GLP1R: variants seen among roughly 807,000 people sequenced by gnomAD.
GLP1R encodes glucagon like peptide 1 receptor.
In GLP1R, 32 loss-of-function variants were observed where a neutral mutation model predicts 68.4. The ratio of observed to expected loss-of-function variants is 0.47; its 90% CI spans 0.35 to 0.63. GLP1R has a LOEUF of 0.63. GLP1R is among the 20% of genes least tolerant of loss of function. The pLI, the probability that GLP1R is intolerant of heterozygous loss-of-function variation, is 0.00. For missense variants in GLP1R, 502 were observed against 594.9 expected (o/e 0.84, Z 1.62); for synonymous variants, 263 against 244.4 (o/e 1.08, Z -0.71).
intron 3 of GLP1R, among the ~76,000 whole-genome samples, chr6:39,062,058 C>A (rs742764): frequency 6.6e-6 from 1 of 152,024 alleles, no homozygotes; most frequent in East Asian, 1.9e-4. Context: ...GGTGCAGGAG[C>A]TAATGGATTC....
Position 39,079,618 on chromosome 6 carries a change from CT to C in GLP1R, c.1101del (p.Phe367LeufsTer4), listed in dbSNP as rs1768938422. 1.2e-6 allele frequency: 2 copies of C among 1,611,444 alleles called. No homozygotes were observed. Among genetic ancestry groups the C allele is most frequent in the Non-Finnish European group, 1.7e-6 (2 of 1,179,028 alleles). Reference protein sequence around the residue: ...IPLLGTHEVIFAFVMDEHARG... With the variant: ...IPLLGTHEVIXAFVMDEHARG... ...CCCTGCTGGGGACTCATGAGGTCAT[CT>C]TTGCCTTTGTGATGGACGAGCACGC... On this transcript the variant is annotated frameshift_variant, in exon 11 of 13. Transcript: ENST00000373256. LOFTEE classifies it high-confidence loss of function. This position sits in a 1 kb window ranked among gnomAD's most constrained non-coding sequence, Gnocchi z 4.5.
At chr6:39,085,879 T>C (rs1377280479) in intron 12 of GLP1R, 27 bp from the exon 13 acceptor site, 2 of 1,612,514 alleles carry the variant, frequency 1.2e-6, no homozygotes, top group East Asian at 4.5e-5. Context: ...CATGATGGCT[T>C]TCGTTTCCCT....
In GLP1R at chr6:39,086,477, T is replaced by A. The variant is rs202221769; in HGVS notation, c.*404T>A. On this transcript the variant is annotated 3_prime_UTR_variant, in exon 13 of 13. Coordinates refer to ENST00000373256, the MANE Select transcript of GLP1R (RefSeq NM_002062.5). The surrounding 1 kb of genome is among the most constrained non-coding windows in gnomAD (Gnocchi z 4.5). Reference sequence around the variant, plus strand: ...TGAAACTGGGGCTTGCAAGAGGAGGTGGTTCTGAAAGTGGCTCTTCTAACC... The same window carrying A: ...TGAAACTGGGGCTTGCAAGAGGAGGAGGTTCTGAAAGTGGCTCTTCTAACC... 1.8e-5 allele frequency: 3 copies of A among 164,598 alleles called. No individual in the cohort carries two copies. The highest frequency in any genetic ancestry group is 6.2e-5 in the Admixed American group (1 of 16,122). 10.2% of individuals were successfully genotyped at this position (164,598 alleles called of 1,614,324 possible).
intron 7 of GLP1R, among the ~76,000 whole-genome samples, chr6:39,075,998 G>A (rs1016043687): frequency 1.1e-4 from 16 of 152,232 alleles, no homozygotes; most frequent in African/African-American, 3.6e-4. Flanking sequence ...GAAGCCAGCA[G>A]GGAGTGCGTA....
chr6:39,085,820 C>A, intron 12 of GLP1R, 86 bp from the exon 13 acceptor site: 2 of 1,240,026 alleles, frequency 1.6e-6, no homozygotes, highest in Admixed American at 1.8e-5. Flanking sequence ...GGATTTCTTC[C>A]CTTCCCCACT....
chr6:39,072,277 C>A lies in GLP1R; in HGVS notation c.510-585C>A, dbSNP rs996272193. On this transcript the variant is annotated intron_variant, in intron 5 of 12. Coordinates refer to ENST00000373256, the MANE Select transcript of GLP1R (RefSeq NM_002062.5). ...CAATGTTGACTAGAAGCAGTGATAA[C>A]AGACATCCTTATTTTGTTCCTGATT... Among the ~76,000 whole-genome samples the A allele has an allele frequency of 5.3e-5, 8 of 152,196 alleles. 1 individual carries two copies. In the South Asian group the frequency reaches 1.7e-3, roughly 32 times the overall value.
intron 1 of GLP1R, among the ~76,000 whole-genome samples, chr6:39,053,657 C>T (rs1768140014): frequency 6.6e-6 from 1 of 152,214 alleles, no homozygotes; most frequent in South Asian, 2.1e-4. Context: ...CTGCTGTTCC[C>T]TTTTGCACAA....
At chr6:39,067,423 T>A (rs1325955593) in intron 5 of GLP1R, among the ~76,000 whole-genome samples, 1 of 152,232 alleles carries the variant, frequency 6.6e-6, no homozygotes, top group Non-Finnish European at 1.5e-5. Flanking sequence ...AGTAAGTTCT[T>A]GTCCTCTCTT....
chr6:39,050,243 CA>C (rs1339517713), intron 1 of GLP1R, among the ~76,000 whole-genome samples: 3 of 152,178 alleles, frequency 2.0e-5, no homozygotes, highest in Non-Finnish European at 2.9e-5. Flanking sequence ...TGGGATCTTT[CA>C]GGGGCCAGGG....
chr6:39,055,763 G>A (rs1562003357), intron 1 of GLP1R, among the ~76,000 whole-genome samples: 3 of 152,174 alleles, frequency 2.0e-5, no homozygotes, highest in Admixed American at 2.0e-4. Flanking sequence ...GTAAGTGAGT[G>A]CGTTTTGGAG....
At chr6:39,075,756 A>G (rs1408667379) in intron 7 of GLP1R, among the ~76,000 whole-genome samples, 1 of 152,204 alleles carries the variant, frequency 6.6e-6, no homozygotes, top group Non-Finnish European at 1.5e-5. Context: ...GTGCAAGTGG[A>G]AGAATTAAAA....
Position 39,086,283 on chromosome 6 carries a change from C to T in GLP1R, c.*210C>T, listed in dbSNP as rs1408480418. 2.0e-6 allele frequency: 1 copy of T among 492,354 alleles called. No homozygotes were observed. Among genetic ancestry groups the T allele is most frequent in the Non-Finnish European group, 3.6e-6 (1 of 278,710 alleles). 30.5% of individuals were successfully genotyped at this position (492,354 alleles called of 1,614,324 possible). On this transcript the variant is annotated 3_prime_UTR_variant, in exon 13 of 13. Coordinates refer to ENST00000373256, the MANE Select transcript of GLP1R (RefSeq NM_002062.5). This position sits in a 1 kb window ranked among gnomAD's most constrained non-coding sequence, Gnocchi z 4.5. The stretch of plus-strand genomic sequence containing the variant: ...TCCTGGGACCATGGACACATTTTCT[C>T]CTAGGAGAAGCAGCCTCCTAATTTG...
At chr6:39,071,112 T>G (rs1422669352) in intron 5 of GLP1R, among the ~76,000 whole-genome samples, 1 of 152,040 alleles carries the variant, frequency 6.6e-6, no homozygotes, top group Non-Finnish European at 1.5e-5. Flanking sequence ...TTTGGGAGGC[T>G]GAGGTGGGTG....
intron 1 of GLP1R, among the ~76,000 whole-genome samples, chr6:39,052,107 G>C (rs1166125102): frequency 6.6e-6 from 1 of 152,038 alleles, no homozygotes; most frequent in African/African-American, 2.4e-5. Context: ...TTGGGAATGT[G>C]CTTGGGGGCG....
Position 39,078,386 on chromosome 6 carries a change from A to AGT in GLP1R, c.884+7_884+8dup. On this transcript the variant is annotated splice_donor_region_variant and intron_variant, in intron 8 of 12. Transcript: ENST00000373256. ...AGTACCTCTATGAGGACGAGGGGTG[A>AGT]GTGTCCTGCTCCAAGGGGGCGGGTG... 3 of 1,605,114 alleles carry AGT rather than the reference A, an allele frequency of 1.9e-6. No individual in the cohort carries two copies. The highest frequency in any genetic ancestry group is 2.6e-6 in the Non-Finnish European group (3 of 1,171,922).
chr6:39,074,081 A>G (rs1768748524), intron 7 of GLP1R, among the ~76,000 whole-genome samples: 1 of 152,176 alleles, frequency 6.6e-6, no homozygotes, highest in African/African-American at 2.4e-5. Context: ...ACATGGGGAC[A>G]TAAGTTCACA....
In GLP1R at chr6:39,087,351, C is replaced by G. The variant is rs1222421154; in HGVS notation, c.*1278C>G. 6.6e-6 allele frequency: 1 copy of G among 152,290 alleles called. No homozygotes were observed. Among genetic ancestry groups the G allele is most frequent in the African/African-American group, 2.4e-5 (1 of 41,440 alleles). The allele number at this position is 152,290 out of a possible 1,614,324, so 9.4% of individuals were successfully genotyped here. ...GGTTTGCCCTGCCTGCAGCCTCCCC[C>G]ACAAATAATGAACAGCAGAAAGACT... On this transcript the variant is annotated 3_prime_UTR_variant, in exon 13 of 13. Coordinates refer to ENST00000373256, the MANE Select transcript of GLP1R (RefSeq NM_002062.5).
chr6:39,088,860 G>A lies in GLP1R; in HGVS notation c.*2787G>A, dbSNP rs1769213461. Among the ~76,000 whole-genome samples, 1 of 152,204 alleles carries A rather than the reference G, an allele frequency of 6.6e-6. No individual in the cohort carries two copies. The highest frequency in any genetic ancestry group is 2.4e-5 in the African/African-American group (1 of 41,442). Reference sequence around the variant, plus strand: ...CCCCTGGCCCGATCTATAGGATTGAGGAATGAGGCTTGTAGAGGTGGCTTG... The same window carrying A: ...CCCCTGGCCCGATCTATAGGATTGAAGAATGAGGCTTGTAGAGGTGGCTTG... On this transcript the variant is annotated 3_prime_UTR_variant, in exon 13 of 13. Coordinates refer to ENST00000373256, the MANE Select transcript of GLP1R (RefSeq NM_002062.5).
intron 8 of GLP1R, 70 bp downstream of exon 8, chr6:39,078,452 TA>T: frequency 9.5e-7 from 1 of 1,052,206 alleles, no homozygotes. Flanking sequence ...GATTCCTTGG[TA>T]CCTGGGGCAC....
Sources: allele counts gnomAD v4.1 joint callset (sites outside exome capture counted in the v4.1 genomes callset), GRCh38; gene constraint gnomAD v4.1.1; non-coding constraint Gnocchi (gnomAD v3.1); transcripts MANE v1.5; gene names NCBI Gene and HGNC (gene_info 2026-07-23, HGNC 2026-07-21).